The following ATP2B4 variants were observed in gnomAD, a reference collection of about 807,000 sequenced individuals.
ATP2B4 encodes the protein plasma membrane calcium-transporting ATPase 4.
A neutral mutation model predicts 110.3 loss-of-function variants in ATP2B4; 39 were observed. The ratio of observed to expected loss-of-function variants is 0.35; its 90% CI spans 0.27 to 0.46. ATP2B4 has a LOEUF of 0.46. Among genes scored for constraint, ATP2B4 ranks in the 20% least tolerant of loss-of-function variants. The pLI, the probability that ATP2B4 is intolerant of heterozygous loss-of-function variation, is 1.00. For synonymous variants in ATP2B4, 538 were observed against 571.7 expected, an observed-to-expected ratio of 0.94 and a Z score of 0.84; for missense variants, 1,135 against 1,530.9, an observed-to-expected ratio of 0.74 and a Z score of 4.32.
At chr1:203,680,907 T>C (rs573059972) in intron 1 of ATP2B4, among the ~76,000 whole-genome samples, 42 of 152,308 alleles carry the variant, frequency 2.8e-4, no homozygotes, top group Non-Finnish European at 5.6e-4. Context: ...TCTATCAGCA[T>C]TGTTCCCAAC....
At chr1:203,634,688 C>T (rs1290229683) in intron 1 of ATP2B4, among the ~76,000 whole-genome samples, 1 of 151,734 alleles carries the variant, frequency 6.6e-6, no homozygotes, top group East Asian at 1.9e-4. Context: ...TTTTTGAGAC[C>T]GGGTCTTGCT....
chr1:203,724,092 C>A, intron 19 of ATP2B4, 104 bp downstream of exon 19: 1 of 909,218 alleles, frequency 1.1e-6, no homozygotes, highest in Non-Finnish European at 1.6e-6. Context: ...AGCTCCTCAT[C>A]TTCATCTTCT....
rs186234140 is a variant in ATP2B4, at chr1:203,657,237, A to C, written c.-464-25505A>C. Reference sequence around the variant, plus strand: ...TCTTGAAATGCATATTGGCCTGATCAGTCTTTCTTATTTAGGTGGTTTTCT... The same window carrying C: ...TCTTGAAATGCATATTGGCCTGATCCGTCTTTCTTATTTAGGTGGTTTTCT... On this transcript the variant is annotated intron_variant, in intron 1 of 20. Coordinates refer to ENST00000357681, the MANE Select transcript of ATP2B4 (RefSeq NM_001684.5). The C allele has an allele frequency of 9.7e-5, 69 of 712,376 alleles. No homozygotes were observed. The East Asian group carries it at 1.5e-3, about 16-fold the overall frequency. The allele number at this position is 712,376 out of a possible 1,614,324, so 44.1% of individuals were successfully genotyped here. A position where few individuals can be genotyped will look rare whatever the true frequency, so the allele number is the denominator to read the frequency against.
chr1:203,695,097 C>T (rs16852168), intron 2 of ATP2B4, among the ~76,000 whole-genome samples: 5,855 of 152,162 alleles, frequency 0.038, 392 homozygotes, highest in African/African-American at 0.13. Flanking sequence ...TATCTGATGT[C>T]TTGGTTTGCC....
At position 203,711,127 on chromosome 1, in the gene ATP2B4, AC is replaced by A; in HGVS notation, c.2031+22del. On this transcript the variant is annotated intron_variant, in intron 12 of 20. Transcript: ENST00000357681. ...CCCAGAGGTGAGAGGGTGGGAAGCC[AC>A]CCAGGAGTCTCAGGAAGTGGGGTAC... 6.2e-7 allele frequency: 1 copy of A among 1,611,522 alleles called. No individual in the cohort carries two copies. Among genetic ancestry groups the A allele is most frequent in the Non-Finnish European group, 8.5e-7 (1 of 1,177,760 alleles).
At chr1:203,733,302 A>T (rs1159465822) in intron 20 of ATP2B4, 6 of 1,614,102 alleles carry the variant, frequency 3.7e-6, no homozygotes, top group Non-Finnish European at 5.1e-6. Flanking sequence ...CAACACCTTG[A>T]TGTAAAACTT....
At position 203,741,985 on chromosome 1, in the gene ATP2B4, T is replaced by G. The variant is rs1055134957; in HGVS notation, c.*2131T>G. 1.3e-5 allele frequency: 2 copies of G among 152,660 alleles called. No individual in the cohort carries two copies. Among genetic ancestry groups the G allele is most frequent in the Admixed American group, 1.3e-4 (2 of 15,276 alleles). The allele number at this position is 152,660 out of a possible 1,614,324, so 9.5% of individuals were successfully genotyped here. On this transcript the variant is annotated 3_prime_UTR_variant, in exon 21 of 21. Transcript: ENST00000357681. ...CATTCCTGTTCACAAAAGGTTCTCATGGTGCCTGACAGGTTACCCTTGAGG... is the reference window on the plus strand; with the variant it reads ...CATTCCTGTTCACAAAAGGTTCTCAGGGTGCCTGACAGGTTACCCTTGAGG...
chr1:203,668,512 G>A (rs1664573695), intron 1 of ATP2B4, among the ~76,000 whole-genome samples: 1 of 152,094 alleles, frequency 6.6e-6, no homozygotes, highest in Admixed American at 6.6e-5. Context: ...AGTCCTCAGT[G>A]TTAACTGTTT....
intron 2 of ATP2B4, among the ~76,000 whole-genome samples, chr1:203,686,734 C>CCCAAGCTG (rs1171182527): frequency 1.7e-5 from 1 of 57,148 alleles, no homozygotes; most frequent in Non-Finnish European, 3.7e-5. Context: ...GCTTTTGTTG[C>CCCAAGCTG]CCAAGCTGGA....
At chr1:203,730,275 T>C (rs931275522) in intron 20 of ATP2B4, among the ~76,000 whole-genome samples, 1 of 149,878 alleles carries the variant, frequency 6.7e-6, no homozygotes, top group Non-Finnish European at 1.5e-5. Context: ...AAGGGCTAGG[T>C]AGGGAAACGC....
At chr1:203,670,972 A>G (rs1260285007) in intron 1 of ATP2B4, among the ~76,000 whole-genome samples, 2 of 152,194 alleles carry the variant, frequency 1.3e-5, no homozygotes, top group Admixed American at 1.3e-4. Flanking sequence ...GGAACAGTCT[A>G]TGCAATTTGC....
Position 203,739,706 on chromosome 1 carries a change from A to G in ATP2B4, c.3470A>G (p.Asp1157Gly). ...LLDEEEEENPDKASKFGTRVL... is the reference protein window; with the variant it reads ...LLDEEEEENPGKASKFGTRVL... ...GATGAGGAAGAGGAGGAAAATCCTGACAAGGCTTCTAAGTTTGGGACTAGG... is the reference window on the plus strand; with the variant it reads ...GATGAGGAAGAGGAGGAAAATCCTGGCAAGGCTTCTAAGTTTGGGACTAGG... The change falls in exon 21 of 21, where the codon GAC becomes GGC. Residue 1157 changes from aspartate to glycine, a missense_variant. Asp to Gly is a moderately conservative substitution (Grantham distance 94, BLOSUM62 -1). Coordinates refer to ENST00000357681, the MANE Select transcript of ATP2B4 (RefSeq NM_001684.5). 1 of 1,614,184 alleles carries G rather than the reference A, an allele frequency of 6.2e-7. No homozygotes were observed. The highest frequency in any genetic ancestry group is 8.5e-7 in the Non-Finnish European group (1 of 1,180,034).
intron 20 of ATP2B4, among the ~76,000 whole-genome samples, chr1:203,735,063 AG>A (rs1305073273): frequency 1.3e-5 from 2 of 151,736 alleles, no homozygotes; most frequent in African/African-American, 4.8e-5. Context: ...TGAAGGTACG[AG>A]AAATATACAA....
chr1:203,653,699 G>A (rs1235890885), intron 1 of ATP2B4, among the ~76,000 whole-genome samples: 1 of 152,084 alleles, frequency 6.6e-6, no homozygotes, highest in Admixed American at 6.6e-5. Flanking sequence ...TGGGATTACA[G>A]GCACCCGCCA....
At chr1:203,680,335 G>T (rs1463521619) in intron 1 of ATP2B4, among the ~76,000 whole-genome samples, 1 of 152,120 alleles carries the variant, frequency 6.6e-6, no homozygotes, top group Non-Finnish European at 1.5e-5. Flanking sequence ...AGGCGGCTGG[G>T]CGCGGTGGCT....
chr1:203,699,071 A>G (rs1342907250), intron 3 of ATP2B4, among the ~76,000 whole-genome samples: 1 of 152,148 alleles, frequency 6.6e-6, no homozygotes, highest in Non-Finnish European at 1.5e-5. Flanking sequence ...CAACACCCCC[A>G]GCCAGGAATT....
intron 1 of ATP2B4, chr1:203,657,074 C>T (rs983432830): frequency 2.2e-5 from 18 of 831,436 alleles, no homozygotes; most frequent in African/African-American, 1.0e-4. Context: ...AGGCCCAATT[C>T]GCTCACATTT....
intron 1 of ATP2B4, among the ~76,000 whole-genome samples, chr1:203,668,459 A>G (rs548594457): frequency 2.8e-4 from 43 of 152,078 alleles, no homozygotes; most frequent in Admixed American, 6.5e-4. Context: ...TTTGTATTTA[A>G]TCCATGGGAA....
intron 1 of ATP2B4, among the ~76,000 whole-genome samples, chr1:203,628,560 C>T (rs1663160704): frequency 6.6e-6 from 1 of 152,206 alleles, no homozygotes; most frequent in Middle Eastern, 3.4e-3. Context: ...GGAAGGGAAA[C>T]AAAATCCCAT....
Sources: gnomAD v4.1 joint callset for allele counts (sites outside exome capture counted in the v4.1 genomes callset) on GRCh38, gnomAD v4.1.1 for gene constraint, MANE v1.5 for transcripts, NCBI Gene and HGNC (gene_info 2026-07-23, HGNC 2026-07-21) for gene names.